The following MINDY4 variants were observed in gnomAD, a reference collection of about 807,000 sequenced individuals.
The protein encoded by MINDY4 is probable ubiquitin carboxyl-terminal hydrolase MINDY-4.
In MINDY4, 68 loss-of-function variants were observed where a neutral mutation model predicts 87.0. That is an observed-to-expected ratio of 0.78 (90% CI 0.64 to 0.96). The LOEUF is 0.96. Among genes scored for constraint, MINDY4 ranks in the 40% least tolerant of loss-of-function variants. The probability of loss-of-function intolerance (pLI) is 0.00; values close to 1 mark genes in which losing one functional copy is unlikely to be tolerated. For synonymous variants in MINDY4, 379 were observed against 363.2 expected, an observed-to-expected ratio of 1.04 and a Z score of -0.50; for missense variants, 919 against 928.2, an observed-to-expected ratio of 0.99 and a Z score of 0.13.
chr7:30,833,243 A>T (rs902272756), intron 6 of MINDY4, among the ~76,000 whole-genome samples: 1 of 152,218 alleles, frequency 6.6e-6, no homozygotes, highest in Non-Finnish European at 1.5e-5. Context: ...TTTTCAAAGG[A>T]AACAAGTTTA....
chr7:30,841,757 AT>A (rs772459851), intron 9 of MINDY4, among the ~76,000 whole-genome samples: 1 of 152,202 alleles, frequency 6.6e-6, no homozygotes, highest in Non-Finnish European at 1.5e-5. Flanking sequence ...AAGAAAAAAT[AT>A]TTCTAGTACT....
intron 5 of MINDY4, among the ~76,000 whole-genome samples, chr7:30,814,152 G>C (rs896837041): frequency 3.9e-5 from 6 of 152,230 alleles, no homozygotes; most frequent in African/African-American, 1.4e-4. Context: ...CTCTTTAAGA[G>C]AAAGAATATG....
chr7:30,854,522 A>G (rs1249583845), intron 12 of MINDY4, among the ~76,000 whole-genome samples: 1 of 151,178 alleles, frequency 6.6e-6, no homozygotes, highest in Admixed American at 6.6e-5. Context: ...GCAGAGGAAG[A>G]ACACAGACCT....
At chr7:30,779,428 A>G (rs1786933606) in intron 2 of MINDY4, 1 of 152,220 alleles carries the variant, frequency 6.6e-6, no homozygotes, top group Non-Finnish European at 1.5e-5. Context: ...TGTCCAGCAA[A>G]TGTTGCTGTG....
At chr7:30,842,490 A>G (rs1157635734) in intron 9 of MINDY4, among the ~76,000 whole-genome samples, 1 of 152,206 alleles carries the variant, frequency 6.6e-6, no homozygotes, top group Non-Finnish European at 1.5e-5. Flanking sequence ...TACTGAGCAC[A>G]TATGCACCTA....
rs376702905 is a variant in MINDY4, at chr7:30,863,120, G to A, written c.1745+3796G>A. On this transcript the variant is annotated intron_variant, in intron 13 of 17. Coordinates refer to ENST00000265299, the MANE Select transcript of MINDY4 (RefSeq NM_032222.3). ...AAAACCTCGGGACCAGATGATCGCC[G>A]AGGGCCTTCCTGTTCTGGGGTTCAC... Among the ~76,000 whole-genome samples the A allele has an allele frequency of 7.9e-5, 12 of 152,272 alleles. No individual in the cohort carries two copies. In the South Asian group the frequency reaches 1.5e-3, roughly 18 times the overall value.
chr7:30,789,917 A>G lies in MINDY4; in HGVS notation c.664-1248A>G, dbSNP rs565824340. On this transcript the variant is annotated intron_variant, in intron 4 of 17. Transcript: ENST00000265299. ...CAATTGACTCCTCTAGAATTCCTTC[A>G]TTTCAAAAACTAAGCAAATCTTGAG... 3.9e-5 allele frequency among the ~76,000 whole-genome samples: 6 copies of G among 152,344 alleles called. No homozygotes were observed. In the South Asian group the frequency reaches 1.2e-3, roughly 32 times the overall value.
chr7:30,839,788 T>C (rs1369488310), intron 8 of MINDY4, among the ~76,000 whole-genome samples: 1 of 152,042 alleles, frequency 6.6e-6, no homozygotes, highest in Non-Finnish European at 1.5e-5. Context: ...GGATCAAGTG[T>C]GCAGAGCAAG....
rs755207566 is a variant in MINDY4, at chr7:30,791,143, CTTTTGTCCTTACTCCCTT to C, written c.664-20_664-3del. The C allele has an allele frequency of 2.2e-5, 35 of 1,580,842 alleles. No homozygotes were observed. The highest frequency in any genetic ancestry group is 2.8e-5 in the Non-Finnish European group (33 of 1,159,276). Reference sequence around the variant, plus strand: ...AGCTCCCCTCAAAGGGTCCTCACTGCTTTTGTCCTTACTCCCTTTAGGATTCTTTTCACAGACACTATC... The same window carrying C: ...AGCTCCCCTCAAAGGGTCCTCACTGCTAGGATTCTTTTCACAGACACTATC... On this transcript the variant is annotated splice_region_variant and splice_polypyrimidine_tract_variant and intron_variant, in intron 4 of 17. Transcript: ENST00000265299.
rs1426808148 is a variant in MINDY4 at position 30,892,122 on chromosome 7, C to T, written c.*117C>T. 1 of 1,116,476 alleles carries T rather than the reference C, an allele frequency of 9.0e-7. No individual in the cohort carries two copies. The highest frequency in any genetic ancestry group is 1.4e-6 in the Non-Finnish European group (1 of 737,254). The allele number at this position is 1,116,476 out of a possible 1,614,324, so 69.2% of individuals were successfully genotyped here. On this transcript the variant is annotated 3_prime_UTR_variant, in exon 18 of 18. Coordinates refer to ENST00000265299, the MANE Select transcript of MINDY4 (RefSeq NM_032222.3). ...TGTACCCCAACCTGGGTCAGCATGA[C>T]TGCAGAAGCATCCAGAGCCTCCCTG...
intron 5 of MINDY4, among the ~76,000 whole-genome samples, chr7:30,802,836 C>T (rs758630586): frequency 1.3e-5 from 2 of 152,008 alleles, no homozygotes; most frequent in Non-Finnish European, 2.9e-5. Context: ...AACCAACCAT[C>T]CCAACCGACC....
At chr7:30,884,060 A>G (rs1790556325) in intron 17 of MINDY4, among the ~76,000 whole-genome samples, 1 of 152,032 alleles carries the variant, frequency 6.6e-6, no homozygotes, top group South Asian at 2.1e-4. Flanking sequence ...GAGAATCTCC[A>G]TTTCTCTGCC....
intron 9 of MINDY4, among the ~76,000 whole-genome samples, chr7:30,845,400 C>T (rs1466927389): frequency 1.3e-5 from 2 of 151,866 alleles, no homozygotes; most frequent in South Asian, 2.1e-4. Context: ...ATATAGTTTT[C>T]ACATTGATTG....
chr7:30,830,584 T>G (rs1393998539), intron 6 of MINDY4, among the ~76,000 whole-genome samples: 7 of 152,162 alleles, frequency 4.6e-5, no homozygotes. Flanking sequence ...GAAAAGTCCC[T>G]TATAAAACCA....
At chr7:30,851,870 G>A (rs1789424413) in intron 10 of MINDY4, among the ~76,000 whole-genome samples, 1 of 152,240 alleles carries the variant, frequency 6.6e-6, no homozygotes, top group Non-Finnish European at 1.5e-5. Context: ...GAAAACAAAG[G>A]GCAAGTCAGC....
At chr7:30,818,605 A>G (rs193207079) in intron 5 of MINDY4, among the ~76,000 whole-genome samples, 2 of 152,298 alleles carry the variant, frequency 1.3e-5, no homozygotes, top group African/African-American at 2.4e-5. Flanking sequence ...AGTGAGATTC[A>G]TAGCTGGGAT....
intron 1 of MINDY4, among the ~76,000 whole-genome samples, chr7:30,773,353 A>G (rs1786703109): frequency 6.6e-6 from 1 of 152,202 alleles, no homozygotes; most frequent in African/African-American, 2.4e-5. Context: ...CCAGGAGGCC[A>G]AGAAACTTGC....
intron 5 of MINDY4, among the ~76,000 whole-genome samples, chr7:30,804,588 A>G (rs1210722748): frequency 6.6e-6 from 1 of 152,192 alleles, no homozygotes; most frequent in Non-Finnish European, 1.5e-5. Flanking sequence ...CCACAGAGAT[A>G]GAGTCTGGAT....
intron 5 of MINDY4, among the ~76,000 whole-genome samples, chr7:30,799,289 T>C (rs1260505888): frequency 6.6e-6 from 1 of 152,198 alleles, no homozygotes; most frequent in Non-Finnish European, 1.5e-5. Context: ...CTAAGGCTCA[T>C]CTTATGTAAA....
Sources: gnomAD v4.1 joint callset for allele counts (sites outside exome capture counted in the v4.1 genomes callset) on GRCh38, gnomAD v4.1.1 for gene constraint, MANE v1.5 for transcripts, NCBI Gene and HGNC (gene_info 2026-07-23, HGNC 2026-07-21) for gene names.